DHX9: variants seen among roughly 807,000 people sequenced by gnomAD.
DHX9 encodes ATP-dependent RNA helicase A.
DHX9 carries 27 observed loss-of-function variants against 148.7 expected under a neutral mutation model. The observed-to-expected ratio is 0.18, with a 90% confidence interval of 0.13 to 0.25. The LOEUF (loss-of-function observed/expected upper bound fraction) is 0.25, where lower values mean the gene tolerates loss of function less well. Ranked by LOEUF, DHX9 falls within the 10% of genes least tolerant of loss-of-function variation. The pLI, the probability that DHX9 is intolerant of heterozygous loss-of-function variation, is 1.00. For missense variants in DHX9, 796 were observed against 1,559.6 expected (o/e 0.51, Z 8.25); for synonymous variants, 529 against 516.6 (o/e 1.02, Z -0.33).
intron 2 of DHX9, among the ~76,000 whole-genome samples, chr1:182,843,069 TTA>T (rs1327434047): frequency 6.6e-6 from 1 of 151,972 alleles, no homozygotes; most frequent in Non-Finnish European, 1.5e-5. Flanking sequence ...GAACCTTCTG[TTA>T]TATGAGAAAA....
chr1:182,887,682 G>A lies in DHX9; in HGVS notation c.*248G>A. On this transcript the variant is annotated 3_prime_UTR_variant, in exon 28 of 28. Transcript: ENST00000367549. ...TTTTTTCTTTAAGGAGTAAAGATTT[G>A]CCTTTAAATAACTTGGTATTTTCCT... is the stretch of plus-strand genomic sequence containing the variant. The A allele has an allele frequency of 2.4e-6, 1 of 411,694 alleles. No homozygotes were observed. The highest frequency in any genetic ancestry group is 4.4e-6 in the Non-Finnish European group (1 of 229,056). 25.5% of individuals were successfully genotyped at this position (411,694 alleles called of 1,614,324 possible).
At chr1:182,865,846 A>G (rs537994412) in intron 12 of DHX9, among the ~76,000 whole-genome samples, 1 of 152,376 alleles carries the variant, frequency 6.6e-6, no homozygotes, top group South Asian at 2.1e-4. Flanking sequence ...GAGTTTTCAT[A>G]AAAAGATCCA....
intron 14 of DHX9, among the ~76,000 whole-genome samples, chr1:182,867,324 T>C (rs1648339590): frequency 6.6e-6 from 1 of 152,148 alleles, no homozygotes; most frequent in Non-Finnish European, 1.5e-5. Context: ...GAACTAATGG[T>C]TTATGACTAA....
chr1:182,857,797 T>A (rs1015352748), intron 7 of DHX9, among the ~76,000 whole-genome samples: 3 of 152,242 alleles, frequency 2.0e-5, no homozygotes, highest in Admixed American at 6.5e-5. Context: ...CTATGTTTTC[T>A]TCCCCATTTT....
intron 14 of DHX9, among the ~76,000 whole-genome samples, chr1:182,871,514 C>T (rs1175906037): frequency 6.6e-6 from 1 of 152,160 alleles, no homozygotes; most frequent in Admixed American, 6.5e-5. Flanking sequence ...TTGGCAATTC[C>T]ATACCCATGT....
intron 27 of DHX9, among the ~76,000 whole-genome samples, chr1:182,885,522 C>T (rs1275345498): frequency 2.0e-5 from 3 of 152,164 alleles, no homozygotes; most frequent in African/African-American, 7.2e-5. Flanking sequence ...CACAATCACA[C>T]CCCAAAACCT....
chr1:182,869,502 T>C (rs1413063615), intron 14 of DHX9, among the ~76,000 whole-genome samples: 2 of 152,038 alleles, frequency 1.3e-5, no homozygotes, highest in Non-Finnish European at 2.9e-5. Context: ...TGGTCTTGTC[T>C]GGTCCTGACA....
chr1:182,846,215 A>G (rs2102589604), intron 3 of DHX9, among the ~76,000 whole-genome samples: 1 of 152,038 alleles, frequency 6.6e-6, no homozygotes, highest in East Asian at 1.9e-4. Flanking sequence ...TGCCAGGGAA[A>G]TGGGATTGAA....
At chr1:182,843,239 T>TA (rs1667963866) in intron 2 of DHX9, 55 bp from the exon 3 acceptor site, 2 of 1,432,752 alleles carry the variant, frequency 1.4e-6, no homozygotes, top group African/African-American at 1.5e-5. Flanking sequence ...TACGACTTTT[T>TA]AAAATCTCAG....
At chr1:182,863,062 A>T (rs1200723054) in intron 12 of DHX9, among the ~76,000 whole-genome samples, 5 of 152,234 alleles carry the variant, frequency 3.3e-5, no homozygotes, top group Non-Finnish European at 7.3e-5. Context: ...TTAAAAGCAC[A>T]TATCTGGAGG....
At chr1:182,877,097 G>T in intron 19 of DHX9, 194 bp downstream of exon 19, 3 of 471,950 alleles carry the variant, frequency 6.4e-6, no homozygotes, top group African/African-American at 2.0e-5. Flanking sequence ...AATCAGTTAC[G>T]GTAGAAAGTG....
chr1:182,876,491 C>G lies in DHX9; in HGVS notation c.2074C>G (p.Arg692Gly). The part of the protein sequence containing the change: ...QILPLHSQIP[R>G]EEQRKVFDPV... The stretch of plus-strand genomic sequence containing the variant: ...TCTACCCCTGCATTCTCAGATTCCT[C>G]GAGAGGAACAGCGCAAAGTGTTTGA... Residue 692 changes from arginine (R) to glycine (G), a missense_variant, in exon 18 of 28, where the codon CGA becomes GGA. Around this residue, in one of 14 missense-constraint regions of DHX9, gnomAD observed 133 missense variants for 223.8 expected, o/e 0.59. Transcript: ENST00000367549. 1.2e-6 allele frequency: 2 copies of G among 1,613,118 alleles called. No homozygotes were observed. The highest frequency in any genetic ancestry group is 1.7e-6 in the Non-Finnish European group (2 of 1,179,788).
intron 3 of DHX9, among the ~76,000 whole-genome samples, chr1:182,843,889 T>C (rs1210595403): frequency 1.3e-5 from 2 of 152,082 alleles, no homozygotes; most frequent in East Asian, 3.9e-4. Context: ...CCTCAAACTC[T>C]TGGGCTCAAG....
At chr1:182,862,038 C>G (rs1468765009) in intron 12 of DHX9, among the ~76,000 whole-genome samples, 4 of 151,734 alleles carry the variant, frequency 2.6e-5, no homozygotes. Context: ...TTACAGAATA[C>G]AGTTTTTTAT....
intron 6 of DHX9, among the ~76,000 whole-genome samples, chr1:182,854,569 G>T (rs925250117): frequency 5.9e-5 from 9 of 151,758 alleles, no homozygotes; most frequent in African/African-American, 1.9e-4. Flanking sequence ...AATGGGTCAG[G>T]TTAGATACTT....
intron 1 of DHX9, among the ~76,000 whole-genome samples, chr1:182,841,157 G>A (rs1410583584): frequency 6.6e-6 from 1 of 152,086 alleles, no homozygotes; most frequent in African/African-American, 2.4e-5. Context: ...TGGGCGTGGT[G>A]GCGGGCGCCT....
At position 182,883,712 on chromosome 1, in the gene DHX9, TTAATTATATAC is replaced by T. The variant is rs1649192160; in HGVS notation, c.3260+87_3260+97del. ...GATGGAATTCAGCTGCTAATCTAAC[TTAATTATATAC>T]TAATTATATCTAACTTAATTATATA... On this transcript the variant is annotated intron_variant, in intron 26 of 27. Coordinates refer to ENST00000367549, the MANE Select transcript of DHX9 (RefSeq NM_001357.5). 6 of 987,638 alleles carry T rather than the reference TTAATTATATAC, an allele frequency of 6.1e-6. No individual in the cohort carries two copies. The East Asian group carries it at 1.5e-4, about 24-fold the overall frequency. 61.2% of individuals were successfully genotyped at this position (987,638 alleles called of 1,614,324 possible). A position where few individuals can be genotyped will look rare whatever the true frequency, so the allele number is the denominator to read the frequency against.
At position 182,872,661 on chromosome 1, in the gene DHX9, C is replaced by T. The variant is rs528006007; in HGVS notation, c.1714+168C>T. On this transcript the variant is annotated intron_variant, in intron 15 of 27. Transcript: ENST00000367549. ...GGAGTTTCTCTTCTGTTATTTTATA[C>T]AGTAGTGAGTACAGTCTGAGAAGTG... 3.9e-5 allele frequency among the ~76,000 whole-genome samples: 6 copies of T among 152,268 alleles called. No individual in the cohort carries two copies. In the South Asian group the frequency reaches 1.2e-3, roughly 32 times the overall value.
intron 3 of DHX9, among the ~76,000 whole-genome samples, chr1:182,849,197 G>C (rs993828072): frequency 6.6e-6 from 1 of 151,210 alleles, no homozygotes; most frequent in Non-Finnish European, 1.5e-5. Flanking sequence ...TGAGCATGTA[G>C]AGGATATTTT....
Sources: allele counts gnomAD v4.1 joint callset (sites outside exome capture counted in the v4.1 genomes callset), GRCh38; gene constraint gnomAD v4.1.1; regional missense constraint gnomAD v4.1.1; transcripts MANE v1.5; gene names NCBI Gene and HGNC (gene_info 2026-07-23, HGNC 2026-07-21).